DTNA: variants seen among roughly 807,000 people sequenced by gnomAD.
DTNA encodes the protein dystrobrevin alpha.
DTNA carries 43 observed loss-of-function variants against 100.7 expected under a neutral mutation model. That is an observed-to-expected ratio of 0.43 (90% CI 0.33 to 0.55). The LOEUF is 0.55. Ranked by LOEUF, DTNA falls within the 20% of genes least tolerant of loss-of-function variation. DTNA has a pLI of 0.04. For synonymous variants in DTNA, 349 were observed against 347.9 expected, an observed-to-expected ratio of 1.00 and a Z score of -0.04; for missense variants, 798 against 953.9, an observed-to-expected ratio of 0.84 and a Z score of 2.15.
At chr18:34,860,821 T>A (rs2096614918) in intron 16 of DTNA, among the ~76,000 whole-genome samples, 3 of 152,206 alleles carry the variant, frequency 2.0e-5, no homozygotes, top group African/African-American at 4.8e-5. Flanking sequence ...GACGCTTTGC[T>A]GCATACTAAC....
chr18:34,556,540 T>A (rs1159158083), intron 1 of DTNA, among the ~76,000 whole-genome samples: 1 of 152,180 alleles, frequency 6.6e-6, no homozygotes, highest in Non-Finnish European at 1.5e-5. Flanking sequence ...AGTGCTTCCT[T>A]CAGGAGCGCT....
At chr18:34,731,261 T>G (rs1045125230) in intron 1 of DTNA, among the ~76,000 whole-genome samples, 1 of 151,624 alleles carries the variant, frequency 6.6e-6, no homozygotes, top group Non-Finnish European at 1.5e-5. Context: ...GGGTGGATCA[T>G]GAGGTCAGGA....
intron 3 of DTNA, among the ~76,000 whole-genome samples, chr18:34,792,590 CTG>C (rs1178381422): frequency 6.6e-6 from 1 of 152,108 alleles, no homozygotes; most frequent in Non-Finnish European, 1.5e-5. Flanking sequence ...AAAACGGAAA[CTG>C]TTATATTTCA....
intron 22 of DTNA, among the ~76,000 whole-genome samples, chr18:34,886,535 G>C (rs1270936332): frequency 1.3e-5 from 2 of 152,202 alleles, no homozygotes; most frequent in African/African-American, 4.8e-5. Context: ...TCAGTAGCTA[G>C]TTCTTAGAAA....
chr18:34,584,695 C>A (rs987225268), intron 1 of DTNA, among the ~76,000 whole-genome samples: 7 of 152,066 alleles, frequency 4.6e-5, no homozygotes, highest in African/African-American at 1.7e-4. Context: ...GAGTAAAAGT[C>A]CCTGAATTTC....
At chr18:34,754,578 G>A (rs1429363596) in intron 1 of DTNA, among the ~76,000 whole-genome samples, 1 of 152,120 alleles carries the variant, frequency 6.6e-6, no homozygotes, top group Non-Finnish European at 1.5e-5. Context: ...GTGTAGTAGG[G>A]TTCCTGGAGT....
intron 9 of DTNA, among the ~76,000 whole-genome samples, chr18:34,825,813 A>T (rs534508489): frequency 2.7e-4 from 41 of 152,292 alleles, no homozygotes; most frequent in Non-Finnish European, 4.1e-4. Context: ...AAAAATTTTT[A>T]AAAAAAGACA....
chr18:34,859,317 C>A (rs907203467), intron 16 of DTNA, among the ~76,000 whole-genome samples: 2 of 102,456 alleles, frequency 2.0e-5, no homozygotes, highest in African/African-American at 1.2e-4. Flanking sequence ...GCAACGAAAG[C>A]AGATTTATTG....
chr18:34,498,409 G>T (rs1375322323), intron 1 of DTNA, among the ~76,000 whole-genome samples: 1 of 148,400 alleles, frequency 6.7e-6, no homozygotes, highest in Non-Finnish European at 1.5e-5. Context: ...CTCCAGCCTG[G>T]GCAACAGAAC....
At chr18:34,536,855 G>C (rs965579580) in intron 1 of DTNA, among the ~76,000 whole-genome samples, 3 of 151,846 alleles carry the variant, frequency 2.0e-5, no homozygotes, top group Admixed American at 2.0e-4. Flanking sequence ...AAATATATCA[G>C]AGCAAAAATA....
chr18:34,662,960 C>T (rs552039289), intron 1 of DTNA: 53 of 152,204 alleles, frequency 3.5e-4, no homozygotes, highest in African/African-American at 1.3e-3. Context: ...GGGACAGTCA[C>T]ACAGATGTGC....
chr18:34,862,548 C>T (rs1232293786), intron 16 of DTNA, among the ~76,000 whole-genome samples: 7 of 151,824 alleles, frequency 4.6e-5, no homozygotes. Flanking sequence ...AAATGTCCTC[C>T]ACTGCTTTAG....
intron 1 of DTNA, among the ~76,000 whole-genome samples, chr18:34,577,985 T>C (rs2048276597): frequency 6.6e-6 from 1 of 151,500 alleles, no homozygotes; most frequent in Non-Finnish European, 1.5e-5. Flanking sequence ...AGATACCCAG[T>C]AGTGGGATTG....
intron 1 of DTNA, among the ~76,000 whole-genome samples, chr18:34,516,092 C>T (rs556661601): frequency 1.2e-4 from 19 of 152,136 alleles, no homozygotes; most frequent in African/African-American, 2.6e-4. Flanking sequence ...AATAATTCAA[C>T]GTAGGTTCTT....
In DTNA at chr18:34,587,398, T is replaced by C. The variant is rs184927203; in HGVS notation, c.-2+93884T>C. ...AGTCTCTCTCTTTCATTTTCTTTGTTCTCCTCTGCACTCCACATAGTGTGA... is the reference window on the plus strand; with the variant it reads ...AGTCTCTCTCTTTCATTTTCTTTGTCCTCCTCTGCACTCCACATAGTGTGA... On this transcript the variant is annotated intron_variant, in intron 1 of 19. Coordinates refer to the DTNA transcript ENST00000283365. Among the ~76,000 whole-genome samples the C allele has an allele frequency of 3.3e-5, 5 of 152,204 alleles. No individual in the cohort carries two copies. The East Asian group carries it at 9.6e-4, about 29-fold the overall frequency.
chr18:34,811,582 T>A (rs1311890059), intron 5 of DTNA, among the ~76,000 whole-genome samples: 1 of 152,342 alleles, frequency 6.6e-6, no homozygotes, highest in African/African-American at 2.4e-5. Context: ...AGTAAAACTC[T>A]CATTGTGTTT....
intron 1 of DTNA, among the ~76,000 whole-genome samples, chr18:34,715,690 T>G (rs1027986280): frequency 2.6e-5 from 4 of 151,780 alleles, no homozygotes; most frequent in Non-Finnish European, 5.9e-5. Flanking sequence ...AAGGATGACC[T>G]CAAAGACAAA....
intron 1 of DTNA, among the ~76,000 whole-genome samples, chr18:34,696,977 A>G (rs1460270412): frequency 6.6e-6 from 1 of 152,108 alleles, no homozygotes; most frequent in Non-Finnish European, 1.5e-5. Context: ...GATGCCTGGG[A>G]GTGGAAGTGA....
At chr18:34,512,248 T>TA (rs984704171) in intron 1 of DTNA, among the ~76,000 whole-genome samples, 2 of 151,966 alleles carry the variant, frequency 1.3e-5, no homozygotes, top group Admixed American at 6.6e-5. Context: ...TTTTTTTTTC[T>TA]AAAAAAATTT....
Sources: allele counts gnomAD v4.1 joint callset (sites outside exome capture counted in the v4.1 genomes callset), GRCh38; gene constraint gnomAD v4.1.1; transcripts MANE v1.5; gene names NCBI Gene and HGNC (gene_info 2026-07-23, HGNC 2026-07-21).